Variants in ADAMTS17 observed in about 807,000 individuals in gnomAD.
ADAMTS17 encodes the protein A disintegrin and metalloproteinase with thrombospondin motifs 17.
ADAMTS17 carries 113 observed loss-of-function variants against 141.5 expected under a neutral mutation model. The ratio of observed to expected loss-of-function variants is 0.80; its 90% CI spans 0.69 to 0.93. The LOEUF (loss-of-function observed/expected upper bound fraction) is 0.93, where lower values mean the gene tolerates loss of function less well. Among genes scored for constraint, ADAMTS17 ranks in the 40% least tolerant of loss-of-function variants. The pLI is 0.00. For synonymous variants in ADAMTS17, 768 were observed against 630.6 expected, an observed-to-expected ratio of 1.22 and a Z score of -3.27; for missense variants, 1,659 against 1,517.9, an observed-to-expected ratio of 1.09 and a Z score of -1.54.
At chr15:100,044,749 C>G (rs1477878559) in intron 18 of ADAMTS17, among the ~76,000 whole-genome samples, 1 of 151,858 alleles carries the variant, frequency 6.6e-6, no homozygotes, top group Non-Finnish European at 1.5e-5. Flanking sequence ...GAATGATACA[C>G]TAATCAACAG....
At position 100,103,777 on chromosome 15, in the gene ADAMTS17, T is replaced by C. The variant is rs542485426; in HGVS notation, c.2016+5212A>G. ...TTTTGGTAGAGACGGGGTTTCACCA[T>C]ATCGGCCAGGCTGGTCTCGAACTCC... On this transcript the variant is annotated intron_variant, in intron 14 of 21. Transcript: ENST00000268070. Among the ~76,000 whole-genome samples, 5 of 152,278 alleles carry C rather than the reference T, an allele frequency of 3.3e-5. No homozygotes were observed. The East Asian group carries it at 9.7e-4, about 29-fold the overall frequency.
At chr15:100,215,757 A>G (rs566823987) in intron 7 of ADAMTS17, among the ~76,000 whole-genome samples, 2 of 152,094 alleles carry the variant, frequency 1.3e-5, no homozygotes, top group South Asian at 4.2e-4. Flanking sequence ...GGGAGCTGCT[A>G]GTGTATTTCC....
At chr15:100,210,657 C>G (rs564437558) in intron 7 of ADAMTS17, among the ~76,000 whole-genome samples, 127 of 152,322 alleles carry the variant, frequency 8.3e-4, no homozygotes, top group African/African-American at 2.9e-3. Context: ...TCTAATCAGT[C>G]ACCAACAATT....
intron 3 of ADAMTS17, among the ~76,000 whole-genome samples, chr15:100,295,311 T>C (rs187094276): frequency 6.6e-6 from 1 of 152,272 alleles, no homozygotes; most frequent in African/African-American, 2.4e-5. Flanking sequence ...AGCCTAACTA[T>C]TAATATATTT....
intron 3 of ADAMTS17, among the ~76,000 whole-genome samples, chr15:100,299,086 C>T (rs1383087167): frequency 1.3e-5 from 2 of 152,142 alleles, no homozygotes; most frequent in Non-Finnish European, 2.9e-5. Flanking sequence ...AGGGGACCCA[C>T]CTTCATCACC....
At chr15:100,287,726 G>A (rs1456540588) in intron 3 of ADAMTS17, among the ~76,000 whole-genome samples, 1 of 152,022 alleles carries the variant, frequency 6.6e-6, no homozygotes, top group East Asian at 1.9e-4. Context: ...TTACAGGCCT[G>A]TACTCCAATC....
chr15:100,131,135 T>C (rs562310048), intron 12 of ADAMTS17, among the ~76,000 whole-genome samples: 101 of 151,906 alleles, frequency 6.6e-4, no homozygotes, highest in South Asian at 1.5e-3. Context: ...CCAAACACTG[T>C]ATGTTCTCAC....
At chr15:100,116,362 C>T (rs541270965) in intron 13 of ADAMTS17, among the ~76,000 whole-genome samples, 4 of 152,308 alleles carry the variant, frequency 2.6e-5, no homozygotes, top group African/African-American at 9.6e-5. Context: ...TATCATCTTT[C>T]CTAAGTTGCA....
At chr15:100,318,493 G>A (rs2045634767) in intron 3 of ADAMTS17, among the ~76,000 whole-genome samples, 1 of 152,130 alleles carries the variant, frequency 6.6e-6, no homozygotes, top group East Asian at 1.9e-4. Flanking sequence ...TGAGGACACA[G>A]AGAGAAGGCA....
intron 7 of ADAMTS17, among the ~76,000 whole-genome samples, chr15:100,233,120 G>C (rs942978666): frequency 1.3e-5 from 2 of 152,146 alleles, no homozygotes; most frequent in African/African-American, 4.8e-5. Flanking sequence ...CCTGAGGTCA[G>C]GAGCTCCAGA....
At chr15:100,233,606 T>C (rs2042559963) in intron 7 of ADAMTS17, among the ~76,000 whole-genome samples, 1 of 152,166 alleles carries the variant, frequency 6.6e-6, no homozygotes. Flanking sequence ...GGCGTGAAGA[T>C]GCTGGGTCTG....
intron 2 of ADAMTS17, among the ~76,000 whole-genome samples, chr15:100,332,368 G>A (rs909605494): frequency 2.0e-5 from 3 of 152,222 alleles, no homozygotes; most frequent in African/African-American, 4.8e-5. Flanking sequence ...CAGAACACCC[G>A]AAAACTGCCG....
In ADAMTS17 at chr15:100,243,576, G is replaced by C. The variant is rs140428162; in HGVS notation, c.1075+10560C>G. ...AGGCCAAGGAGGGTGGATCACCTGAGGTCAGGAGTTCCAGACCAGTGTGGC... is the reference window on the plus strand; with the variant it reads ...AGGCCAAGGAGGGTGGATCACCTGACGTCAGGAGTTCCAGACCAGTGTGGC... On this transcript the variant is annotated intron_variant, in intron 7 of 21. Coordinates refer to ENST00000268070, the MANE Select transcript of ADAMTS17 (RefSeq NM_139057.4). Among the ~76,000 whole-genome samples the C allele has an allele frequency of 4.6e-3, 698 of 152,236 alleles. 8 individuals are homozygous for C. Among genetic ancestry groups the C allele is most frequent in the Middle Eastern group, 0.01 (3 of 294 alleles).
chr15:99,976,034 AAG>A lies in ADAMTS17; in HGVS notation c.3127+9_3127+10del, dbSNP rs745472511. On this transcript the variant is annotated intron_variant, in intron 21 of 21. Coordinates refer to ENST00000268070, the MANE Select transcript of ADAMTS17 (RefSeq NM_139057.4). ...AGCCCCCTGGGAACCGGGGCCAGTG[AAG>A]ACACTCACCAAGGCGGGGGGAGGTG... 18 of 1,548,186 alleles carry A rather than the reference AAG, an allele frequency of 1.2e-5. No individual in the cohort carries two copies. In the East Asian group the frequency reaches 4.4e-4, roughly 38 times the overall value.
chr15:100,283,477 G>A (rs2044349032), intron 3 of ADAMTS17, among the ~76,000 whole-genome samples: 1 of 152,170 alleles, frequency 6.6e-6, no homozygotes, highest in Non-Finnish European at 1.5e-5. Flanking sequence ...ACCCAAGCAG[G>A]AGCTCTGTTG....
At chr15:100,014,143 C>A (rs1280396893) in intron 18 of ADAMTS17, among the ~76,000 whole-genome samples, 2 of 152,222 alleles carry the variant, frequency 1.3e-5, no homozygotes, top group Middle Eastern at 6.8e-3. Flanking sequence ...ATTTATCTAT[C>A]TCTTCTAGGT....
intron 2 of ADAMTS17, among the ~76,000 whole-genome samples, chr15:100,337,214 T>C (rs2046233534): frequency 6.6e-6 from 1 of 152,224 alleles, no homozygotes; most frequent in Non-Finnish European, 1.5e-5. Flanking sequence ...TGCTCCCCTA[T>C]AAATTAGAGG....
At chr15:100,319,186 C>G (rs971278231) in intron 3 of ADAMTS17, among the ~76,000 whole-genome samples, 2 of 152,198 alleles carry the variant, frequency 1.3e-5, no homozygotes, top group African/African-American at 4.8e-5. Flanking sequence ...TGGCCTTGAG[C>G]CAAGGCTGAA....
chr15:100,111,799 G>A (rs7179078), intron 13 of ADAMTS17, among the ~76,000 whole-genome samples: 67,674 of 152,092 alleles, frequency 0.44, 15,357 homozygotes, highest in Non-Finnish European at 0.49. Flanking sequence ...TTATCTATTC[G>A]TTTCAGGTGG....
Sources: allele counts gnomAD v4.1 joint callset (sites outside exome capture counted in the v4.1 genomes callset), GRCh38; gene constraint gnomAD v4.1.1; transcripts MANE v1.5; gene names NCBI Gene and HGNC (gene_info 2026-07-23, HGNC 2026-07-21).